Variants in KDM3B observed in about 807,000 individuals in gnomAD.
KDM3B encodes the protein lysine demethylase 3B.
In KDM3B, 10 loss-of-function variants were observed where a neutral mutation model predicts 170.0. That is an observed-to-expected ratio of 0.06 (90% CI 0.04 to 0.10). KDM3B has a LOEUF of 0.10. KDM3B is among the 10% of genes least tolerant of loss of function. The pLI is 1.00. For synonymous variants in KDM3B, 831 were observed against 834.8 expected, an observed-to-expected ratio of 1.00 and a Z score of 0.08; for missense variants, 1,394 against 2,195.2, an observed-to-expected ratio of 0.64 and a Z score of 7.29.
In KDM3B at chr5:138,386,282, C is replaced by T. The variant is rs769006439; in HGVS notation, c.1041C>T (p.Val347=). The part of the protein sequence containing the change: ...QRAKQPPSTF[V]PQINRNIRFA... ...CCAAGCAGCCACCGTCTACATTTGT[C>T]CCCCAGATAAACCGCAACATTCGCT... Residue 347 remains valine (V), a synonymous_variant, in exon 7 of 24, where the codon GTC becomes GTT. Coordinates refer to ENST00000314358, the MANE Select transcript of KDM3B (RefSeq NM_016604.4). The T allele has an allele frequency of 1.2e-6, 2 of 1,614,040 alleles. No homozygotes were observed. The highest frequency in any genetic ancestry group is 1.7e-6 in the Non-Finnish European group (2 of 1,180,038).
Position 138,424,305 on chromosome 5 carries a change from T to C in KDM3B, c.4203T>C (p.Asn1401=), listed in dbSNP as rs149819303. Residue 1401 remains asparagine, a synonymous_variant, in exon 16 of 24, where the codon AAT becomes AAC. Transcript: ENST00000314358. ...TCCATGACCCCAGCAACAAAAACAATTGGAAGATCTTCCGGGAGTGTTGGA... is the reference window on the plus strand; with the variant it reads ...TCCATGACCCCAGCAACAAAAACAACTGGAAGATCTTCCGGGAGTGTTGGA... ...LCLHDPSNKN[N]WKIFRECWKQ... is the part of the protein sequence containing the mutation. The C allele has an allele frequency of 2.5e-5, 40 of 1,614,106 alleles. 2 individuals are homozygous for C. Among genetic ancestry groups the C allele is most frequent in the South Asian group, 1.1e-4 (10 of 91,070 alleles).
chr5:138,359,269 C>T (rs1164631047), intron 1 of KDM3B, among the ~76,000 whole-genome samples: 1 of 151,762 alleles, frequency 6.6e-6, no homozygotes, highest in Non-Finnish European at 1.5e-5. Flanking sequence ...TCAAGTGATT[C>T]TCCTGGCTTA....
chr5:138,381,758 T>G, intron 6 of KDM3B, 168 bp downstream of exon 6: 1 of 545,700 alleles, frequency 1.8e-6, no homozygotes, highest in Non-Finnish European at 3.3e-6. Context: ...GGGGGGATAT[T>G]CTCAAGAAAG....
Position 138,391,583 on chromosome 5 carries a change from A to C in KDM3B, c.1951A>C (p.Ser651Arg), listed in dbSNP as rs1334268348. 2 of 1,614,112 alleles carry C rather than the reference A, an allele frequency of 1.2e-6. No homozygotes were observed. The highest frequency in any genetic ancestry group is 8.5e-7 in the Non-Finnish European group (1 of 1,180,008). Residue 651 changes from serine (S) to arginine (R), a missense_variant, in exon 8 of 24, where the codon AGT becomes CGT. By Grantham distance (110) the Ser-to-Arg change is moderately radical (BLOSUM62 -1). Transcript: ENST00000314358. This position sits in a 1 kb window ranked among gnomAD's most constrained non-coding sequence, Gnocchi z 5.0. Reference protein sequence around the residue: ...VEKVEHSPFSSFASQASGSSS... With the variant: ...VEKVEHSPFSRFASQASGSSS... ...GAAAGTTGAACACAGCCCTTTCAGT[A>C]GTTTTGCATCTCAGGCATCAGGTAG...
intron 1 of KDM3B, among the ~76,000 whole-genome samples, chr5:138,361,745 T>G (rs754678672): frequency 6.6e-6 from 1 of 152,220 alleles, no homozygotes; most frequent in Non-Finnish European, 1.5e-5. Flanking sequence ...TTCAGGCCCA[T>G]GCATCCTAGG....
rs570066009 is a variant in KDM3B at position 138,431,502 on chromosome 5, G to C, written c.5148G>C (p.Leu1716=). 1.9e-6 allele frequency: 3 copies of C among 1,612,330 alleles called. No individual in the cohort carries two copies. In the African/African-American group the frequency reaches 4.0e-5, roughly 22 times the overall value. Reference sequence around the variant, plus strand: ...AACATGTAAAGCACTGTTTCCGCCTGACTCAGGAATTCAGGCATCTCTCTA... The same window carrying C: ...AACATGTAAAGCACTGTTTCCGCCTCACTCAGGAATTCAGGCATCTCTCTA... ...SPEHVKHCFR[L]TQEFRHLSNT... Residue 1716 remains leucine (L), a synonymous_variant, in exon 23 of 24, where the codon CTG becomes CTC. Coordinates refer to ENST00000314358, the MANE Select transcript of KDM3B (RefSeq NM_016604.4).
At chr5:138,397,511 AAAAT>A (rs1368772074) in intron 9 of KDM3B, among the ~76,000 whole-genome samples, 1 of 151,918 alleles carries the variant, frequency 6.6e-6, no homozygotes, top group East Asian at 1.9e-4. Flanking sequence ...TTGTCTCCAA[AAAAT>A]AAATAAATAA....
chr5:138,435,115 A>T (rs992997955), intron 23 of KDM3B, among the ~76,000 whole-genome samples: 2 of 152,220 alleles, frequency 1.3e-5, no homozygotes, highest in African/African-American at 4.8e-5. Flanking sequence ...AATATATCCA[A>T]ATCAGAAAAC....
At chr5:138,422,074 C>G (rs1763286359) in intron 15 of KDM3B, among the ~76,000 whole-genome samples, 1 of 152,184 alleles carries the variant, frequency 6.6e-6, no homozygotes, top group Non-Finnish European at 1.5e-5. Flanking sequence ...GCTCCCTCAC[C>G]TAAACCTTCA....
In KDM3B at chr5:138,391,605, G is replaced by A. The variant is rs1260594526; in HGVS notation, c.1973G>A (p.Gly658Asp). 10 of 1,614,118 alleles carry A rather than the reference G, an allele frequency of 6.2e-6. No homozygotes were observed. Among genetic ancestry groups the A allele is most frequent in the Non-Finnish European group, 8.5e-6 (10 of 1,180,026 alleles). ...AGTAGTTTTGCATCTCAGGCATCAGGTAGCTCCTCTTCTGCTACCACTGTC... is the reference window on the plus strand; with the variant it reads ...AGTAGTTTTGCATCTCAGGCATCAGATAGCTCCTCTTCTGCTACCACTGTC... ...PFSSFASQASGSSSSATTVTS... is the reference protein window; with the variant it reads ...PFSSFASQASDSSSSATTVTS... Residue 658 changes from glycine to aspartate, a missense_variant, in exon 8 of 24, where the codon GGT becomes GAT. Physicochemically the swap from Gly to Asp is moderately conservative, Grantham distance 94 (BLOSUM62 -1). Around this residue, in one of 19 missense-constraint regions of KDM3B, gnomAD observed 294 missense variants for 311.7 expected, o/e 0.94. Transcript: ENST00000314358. This position sits in a 1 kb window ranked among gnomAD's most constrained non-coding sequence, Gnocchi z 5.0.
intron 1 of KDM3B, among the ~76,000 whole-genome samples, chr5:138,372,262 A>C (rs757888875): frequency 6.6e-5 from 10 of 152,220 alleles, no homozygotes; most frequent in Non-Finnish European, 1.0e-4. Context: ...AAGTATTAAA[A>C]ATGTCTTCCT....
At chr5:138,392,384 G>C in intron 8 of KDM3B, 123 bp downstream of exon 8, 1 of 1,053,714 alleles carries the variant, frequency 9.5e-7, no homozygotes. Flanking sequence ...GAATTACAGA[G>C]CCAAGAGGAC....
intron 1 of KDM3B, among the ~76,000 whole-genome samples, chr5:138,361,931 A>G (rs1185718885): frequency 6.6e-6 from 1 of 152,226 alleles, no homozygotes; most frequent in Non-Finnish European, 1.5e-5. Context: ...ACCCCAAAAT[A>G]TGCTGCATTG....
intron 1 of KDM3B, among the ~76,000 whole-genome samples, chr5:138,370,497 CAAAAA>C (rs893600535): frequency 1.3e-5 from 2 of 149,570 alleles, no homozygotes; most frequent in African/African-American, 2.5e-5. Flanking sequence ...TGTATACAAA[CAAAAA>C]AAAAGCCATT....
chr5:138,357,313 T>C (rs1761475758), intron 1 of KDM3B, among the ~76,000 whole-genome samples: 1 of 152,104 alleles, frequency 6.6e-6, no homozygotes, highest in African/African-American at 2.4e-5. Flanking sequence ...TTAGGATTAC[T>C]TGACTGGGAA....
At chr5:138,428,203 C>G in intron 20 of KDM3B, 117 bp downstream of exon 20, 2 of 1,030,540 alleles carry the variant, frequency 1.9e-6, no homozygotes, top group Non-Finnish European at 2.8e-6. Context: ...TTTCTTTTTT[C>G]TGTTTTTTTT....
intron 23 of KDM3B, among the ~76,000 whole-genome samples, chr5:138,434,868 A>G (rs7734755): frequency 0.3 from 45,323 of 151,964 alleles, 7,600 homozygotes; most frequent in East Asian, 0.57. Context: ...TAGTAAAAGA[A>G]GGACTTGGAT....
At chr5:138,418,662 A>G (rs1260121870) in intron 13 of KDM3B, among the ~76,000 whole-genome samples, 3 of 152,246 alleles carry the variant, frequency 2.0e-5, no homozygotes, top group Non-Finnish European at 2.9e-5. Flanking sequence ...GAACAGCACT[A>G]CGAGGTCATT....
intron 9 of KDM3B, among the ~76,000 whole-genome samples, chr5:138,397,703 A>G (rs1762581977): frequency 1.3e-5 from 2 of 152,020 alleles, no homozygotes; most frequent in Admixed American, 6.6e-5. Context: ...TCTACTAAAA[A>G]TACAAAAATT....
Sources: gnomAD v4.1 joint callset for allele counts (sites outside exome capture counted in the v4.1 genomes callset) on GRCh38, gnomAD v4.1.1 for gene constraint, gnomAD v4.1.1 regional missense constraint, Gnocchi (gnomAD v3.1) non-coding constraint, MANE v1.5 for transcripts, NCBI Gene and HGNC (gene_info 2026-07-23, HGNC 2026-07-21) for gene names.